The following TRPM1 variants were observed in gnomAD, a reference collection of about 807,000 sequenced individuals.
TRPM1 encodes the protein TRPM1-203 APA Isoform, Intron 10.
In TRPM1, 113 loss-of-function variants were observed where a neutral mutation model predicts 149.4. The observed-to-expected ratio is 0.76, with a 90% CI of 0.65 to 0.88. The LOEUF (loss-of-function observed/expected upper bound fraction) is 0.88. Among genes scored for constraint, TRPM1 ranks in the 40% least tolerant of loss-of-function variants. TRPM1 has a pLI of 0.00. For synonymous variants in TRPM1, 741 were observed against 759.5 expected, an observed-to-expected ratio of 0.98 and a Z score of 0.40; for missense variants, 1,976 against 2,038.7, an observed-to-expected ratio of 0.97 and a Z score of 0.59.
rs2034500348 is a variant in TRPM1 at position 31,070,223 on chromosome 15, A to G, written c.87T>C (p.Cys29=). Residue 29 remains cysteine (C), a synonymous_variant, in exon 4 of 28, where the codon TGT becomes TGC. Coordinates refer to ENST00000256552, the MANE Select transcript of TRPM1 (RefSeq NM_001252024.2). ...GCTGGTTGGTGAACTGGCCACAGCA[A>G]CACCTGAAAACAAAGGCAAAGCAGG... ...VIPSMKDSNR[C]CCGQFTNQHI... 6.2e-7 allele frequency: 1 copy of G among 1,613,256 alleles called. No individual in the cohort carries two copies. The highest frequency in any genetic ancestry group is 1.1e-5 in the South Asian group (1 of 91,056).
intron 21 of TRPM1, 26 bp downstream of exon 21, chr15:31,035,520 C>T (rs759476592): frequency 1.7e-5 from 28 of 1,613,944 alleles, no homozygotes; most frequent in Non-Finnish European, 2.3e-5. Context: ...GGTTAGTGGG[C>T]TGGGGGAGGC....
chr15:31,117,445 C>T (rs1489616009), intron 1 of TRPM1, among the ~76,000 whole-genome samples: 1 of 151,994 alleles, frequency 6.6e-6, no homozygotes, highest in Admixed American at 6.6e-5. Context: ...GAGATCGTGC[C>T]ACTGCACTCC....
At chr15:31,018,936 G>A (rs988635987) in intron 27 of TRPM1, among the ~76,000 whole-genome samples, 2 of 152,150 alleles carry the variant, frequency 1.3e-5, no homozygotes, top group East Asian at 1.9e-4. Flanking sequence ...GATTACAGGC[G>A]TGAGCCACTG....
intron 1 of TRPM1, among the ~76,000 whole-genome samples, chr15:31,152,933 GCACCC>G (rs2036323129): frequency 1.3e-5 from 2 of 152,282 alleles, no homozygotes; most frequent in South Asian, 4.1e-4. Flanking sequence ...ATGAGCCACT[GCACCC>G]AGCCTAAAAC....
At chr15:31,097,783 C>A (rs992332883) in intron 1 of TRPM1, among the ~76,000 whole-genome samples, 1 of 152,124 alleles carries the variant, frequency 6.6e-6, no homozygotes, top group African/African-American at 2.4e-5. Context: ...CATGGTAGAC[C>A]CTGGCTACCT....
chr15:31,107,520 TC>T (rs1334866851), intron 1 of TRPM1, among the ~76,000 whole-genome samples: 2 of 152,162 alleles, frequency 1.3e-5, no homozygotes, highest in African/African-American at 4.8e-5. Context: ...ACTTTTGGTT[TC>T]ATTAATTTCT....
At chr15:31,111,800 G>A (rs564559921) in intron 1 of TRPM1, among the ~76,000 whole-genome samples, 7 of 152,214 alleles carry the variant, frequency 4.6e-5, no homozygotes, top group Non-Finnish European at 1.0e-4. Context: ...TTGATCTCCT[G>A]TTAGTGTCAT....
intron 27 of TRPM1, among the ~76,000 whole-genome samples, chr15:31,006,238 C>T (rs1183140665): frequency 7.2e-5 from 11 of 151,874 alleles, no homozygotes; most frequent in Non-Finnish European, 1.0e-4. Flanking sequence ...AGTACAGTGG[C>T]GCAATTTCCG....
At chr15:31,113,725 C>T (rs1335274558) in intron 1 of TRPM1, among the ~76,000 whole-genome samples, 2 of 152,148 alleles carry the variant, frequency 1.3e-5, no homozygotes, top group African/African-American at 4.8e-5. Flanking sequence ...GATTTCTGGT[C>T]CCACCGCCTT....
intron 6 of TRPM1, among the ~76,000 whole-genome samples, chr15:31,066,451 C>A (rs2034379411): frequency 1.3e-5 from 2 of 152,174 alleles, no homozygotes; most frequent in South Asian, 2.1e-4. Flanking sequence ...GACAACCTAG[C>A]AATTGCACCC....
intron 1 of TRPM1, among the ~76,000 whole-genome samples, chr15:31,098,445 A>T (rs1296235388): frequency 6.6e-6 from 1 of 152,176 alleles, no homozygotes; most frequent in Non-Finnish European, 1.5e-5. Flanking sequence ...CACAAAAATA[A>T]TAATAATACA....
intron 27 of TRPM1, among the ~76,000 whole-genome samples, chr15:31,019,033 T>C (rs143623246): frequency 7.2e-4 from 109 of 152,346 alleles, no homozygotes; most frequent in African/African-American, 2.6e-3. Context: ...ATAAATTATA[T>C]GGGAACATTT....
At chr15:31,089,160 T>C (rs2035138238) in intron 1 of TRPM1, among the ~76,000 whole-genome samples, 1 of 152,212 alleles carries the variant, frequency 6.6e-6, no homozygotes, top group African/African-American at 2.4e-5. Flanking sequence ...GCTGTTTGCC[T>C]TCTGGTGTTG....
chr15:31,039,012 C>A, intron 18 of TRPM1, among the ~76,000 whole-genome samples: 1 of 106,786 alleles, frequency 9.4e-6, no homozygotes, highest in South Asian at 3.0e-4. Context: ...TTTTTTTTTG[C>A]TTGGACTACC....
chr15:31,068,332 C>T (rs935384923), intron 4 of TRPM1, among the ~76,000 whole-genome samples: 1 of 152,096 alleles, frequency 6.6e-6, no homozygotes, highest in Non-Finnish European at 1.5e-5. Context: ...TTTGTATTCC[C>T]CTAAAATTCA....
chr15:31,137,966 T>C (rs183190685), intron 1 of TRPM1, among the ~76,000 whole-genome samples: 6 of 152,324 alleles, frequency 3.9e-5, no homozygotes, highest in African/African-American at 1.2e-4. Context: ...CTGGGTTATC[T>C]GATCTCTACC....
intron 1 of TRPM1, among the ~76,000 whole-genome samples, chr15:31,094,704 A>T (rs185150511): frequency 1.0e-3 from 152 of 152,362 alleles, no homozygotes; most frequent in African/African-American, 3.6e-3. Flanking sequence ...AATTAAAAAC[A>T]TCCCAAAATA....
intron 1 of TRPM1, among the ~76,000 whole-genome samples, chr15:31,151,430 A>G (rs2036302178): frequency 6.6e-6 from 1 of 151,538 alleles, no homozygotes. Flanking sequence ...CCCAGCACCC[A>G]CTCCTGCCAA....
chr15:31,057,445 A>G (rs1002384147), intron 11 of TRPM1, among the ~76,000 whole-genome samples: 3 of 152,150 alleles, frequency 2.0e-5, no homozygotes, highest in Non-Finnish European at 4.4e-5. Flanking sequence ...TACTAGGCTT[A>G]ATAACTGGGT....
Sources: allele counts gnomAD v4.1 joint callset (sites outside exome capture counted in the v4.1 genomes callset), GRCh38; gene constraint gnomAD v4.1.1; transcripts MANE v1.5; gene names NCBI Gene and HGNC (gene_info 2026-07-23, HGNC 2026-07-21).